Variants in LRP12 observed in about 807,000 individuals in gnomAD.
The protein encoded by LRP12 is LDL receptor related protein 12.
Under a neutral mutation model 66.0 loss-of-function variants are expected in LRP12, and 14 were observed. That is an observed-to-expected ratio of 0.21 (90% CI 0.14 to 0.33). LRP12 has a LOEUF of 0.33. Among genes scored for constraint, LRP12 ranks in the 10% least tolerant of loss-of-function variants. The probability of loss-of-function intolerance (pLI) is 1.00; values close to 1 mark genes in which losing one functional copy is unlikely to be tolerated. For synonymous variants in LRP12, 357 were observed against 359.1 expected, an observed-to-expected ratio of 0.99 and a Z score of 0.07; for missense variants, 889 against 1,053.4, an observed-to-expected ratio of 0.84 and a Z score of 2.16.
At chr8:104,494,349 G>A (rs1810686813) in intron 6 of LRP12, among the ~76,000 whole-genome samples, 1 of 152,248 alleles carries the variant, frequency 6.6e-6, no homozygotes, top group African/African-American at 2.4e-5. Flanking sequence ...GTGATAGACT[G>A]TAATCAGAAC....
chr8:104,548,259 A>G (rs1274798489), intron 1 of LRP12, among the ~76,000 whole-genome samples: 1 of 100,008 alleles, frequency 1.0e-5, no homozygotes, highest in African/African-American at 4.4e-5. Context: ...ATATTATATT[A>G]ATATATGATA....
chr8:104,583,791 T>A (rs562146951), intron 1 of LRP12, among the ~76,000 whole-genome samples: 19 of 152,166 alleles, frequency 1.2e-4, no homozygotes, highest in Non-Finnish European at 2.2e-4. Context: ...AGAGTACATA[T>A]CTGACAGGAT....
intron 1 of LRP12, among the ~76,000 whole-genome samples, chr8:104,554,080 A>G (rs749515156): frequency 6.6e-6 from 1 of 152,186 alleles, no homozygotes; most frequent in South Asian, 2.1e-4. Context: ...GGGAGAGAAC[A>G]CCACATCAAG....
chr8:104,556,635 CA>C (rs929968215), intron 1 of LRP12, among the ~76,000 whole-genome samples: 1 of 151,616 alleles, frequency 6.6e-6, no homozygotes, highest in Non-Finnish European at 1.5e-5. Context: ...AAATTGTTCA[CA>C]AAAAAAAGTC....
chr8:104,522,363 G>C (rs1275050067), intron 2 of LRP12, among the ~76,000 whole-genome samples: 5 of 152,056 alleles, frequency 3.3e-5, no homozygotes, highest in Non-Finnish European at 7.4e-5. Flanking sequence ...AAGAAAGGGT[G>C]ATGATTTTGA....
chr8:104,565,585 C>T (rs1176700607), intron 1 of LRP12, among the ~76,000 whole-genome samples: 1 of 152,024 alleles, frequency 6.6e-6, no homozygotes, highest in Non-Finnish European at 1.5e-5. Flanking sequence ...CCAGGCCGGG[C>T]GCGGTGGCTC....
At chr8:104,501,280 T>C (rs1323307908) in intron 3 of LRP12, among the ~76,000 whole-genome samples, 1 of 152,198 alleles carries the variant, frequency 6.6e-6, no homozygotes, top group Non-Finnish European at 1.5e-5. Flanking sequence ...TGTGGTTTTA[T>C]GTACACTTCC....
At chr8:104,512,498 T>A (rs1280954018) in intron 2 of LRP12, among the ~76,000 whole-genome samples, 1 of 152,206 alleles carries the variant, frequency 6.6e-6, no homozygotes, top group Non-Finnish European at 1.5e-5. Context: ...AATTTTGAGT[T>A]AAATTACATT....
chr8:104,586,744 C>A (rs1158906177), intron 1 of LRP12, among the ~76,000 whole-genome samples: 1 of 152,154 alleles, frequency 6.6e-6, no homozygotes, highest in Non-Finnish European at 1.5e-5. Flanking sequence ...AAAAAACATG[C>A]AGCCATAAAG....
intron 1 of LRP12, among the ~76,000 whole-genome samples, chr8:104,553,132 GGCTGCCAGTGAAACT>G (rs1564143592): frequency 6.6e-6 from 1 of 152,182 alleles, no homozygotes; most frequent in East Asian, 1.9e-4. Context: ...CCTTGGGGAG[GGCTGCCAGTGAAACT>G]GGCAAAAAAC....
rs1810583557 is a variant in LRP12, at chr8:104,489,527, G to A, written c.*1146C>T. ...TTGCAATTCACACTACTTAAAAAGG[G>A]GGGATGATCTGAATGATTTCTTAAT... is the stretch of plus-strand genomic sequence containing the variant. On this transcript the variant is annotated 3_prime_UTR_variant, in exon 7 of 7. Coordinates refer to ENST00000276654, the MANE Select transcript of LRP12 (RefSeq NM_013437.5). 1 of 152,314 alleles carries A rather than the reference G, an allele frequency of 6.6e-6. No homozygotes were observed. Among genetic ancestry groups the A allele is most frequent in the Admixed American group, 6.6e-5 (1 of 15,252 alleles). 9.4% of individuals were successfully genotyped at this position (152,314 alleles called of 1,614,324 possible).
At chr8:104,541,391 G>T (rs1811473850) in intron 1 of LRP12, among the ~76,000 whole-genome samples, 2 of 152,126 alleles carry the variant, frequency 1.3e-5, no homozygotes, top group African/African-American at 4.8e-5. Context: ...TAAGTTCAAA[G>T]GTTCCTACCT....
chr8:104,584,648 A>C (rs959667686), intron 1 of LRP12, among the ~76,000 whole-genome samples: 3 of 122,044 alleles, frequency 2.5e-5, no homozygotes, highest in Middle Eastern at 3.8e-3. Flanking sequence ...TGCTTGTTTA[A>C]TACTTTCTGC....
At chr8:104,543,068 C>A (rs992556546) in intron 1 of LRP12, among the ~76,000 whole-genome samples, 1 of 151,582 alleles carries the variant, frequency 6.6e-6, no homozygotes, top group African/African-American at 2.4e-5. Context: ...CACAAAGACA[C>A]TGAGTGCTGT....
chr8:104,540,546 A>C (rs1202508313), intron 1 of LRP12, among the ~76,000 whole-genome samples: 3 of 152,196 alleles, frequency 2.0e-5, no homozygotes, highest in Non-Finnish European at 4.4e-5. Flanking sequence ...CCTGAGAAAT[A>C]AGATATTTTC....
chr8:104,583,967 G>A (rs1812293089), intron 1 of LRP12, among the ~76,000 whole-genome samples: 1 of 151,854 alleles, frequency 6.6e-6, no homozygotes, highest in African/African-American at 2.4e-5. Context: ...AATTCCCTAA[G>A]CTAATACAGT....
rs1810951154 is a variant in LRP12 at position 104,509,043 on chromosome 8, T to G, written c.168A>C (p.Ala56=). The change falls in exon 3 of 7, where the codon GCA becomes GCC. Residue 56 remains alanine (A), a synonymous_variant. Coordinates refer to ENST00000276654, the MANE Select transcript of LRP12 (RefSeq NM_013437.5). ...ACGETPEQIR[A]PSGIITSPGW... Reference sequence around the variant, plus strand: ...CTGGGCTTGTGATTATGCCACTTGGTGCTCGTATTTGCTCTGGAGTCTCTC... The same window carrying G: ...CTGGGCTTGTGATTATGCCACTTGGGGCTCGTATTTGCTCTGGAGTCTCTC... 1 of 1,613,768 alleles carries G rather than the reference T, an allele frequency of 6.2e-7. No homozygotes were observed. The highest frequency in any genetic ancestry group is 1.3e-5 in the African/African-American group (1 of 74,936).
intron 2 of LRP12, among the ~76,000 whole-genome samples, chr8:104,529,914 T>C (rs186980944): frequency 1.2e-3 from 182 of 152,316 alleles, no homozygotes; most frequent in Non-Finnish European, 2.1e-3. Flanking sequence ...TTTCCAATTA[T>C]ACGTCACTGT....
chr8:104,506,019 A>C (rs1223834919), intron 3 of LRP12: 1 of 152,182 alleles, frequency 6.6e-6, no homozygotes, highest in Non-Finnish European at 1.5e-5. Flanking sequence ...AATTAGAGAT[A>C]TTTTTATGTT....
Sources: gnomAD v4.1 joint callset for allele counts (sites outside exome capture counted in the v4.1 genomes callset) on GRCh38, gnomAD v4.1.1 for gene constraint, MANE v1.5 for transcripts, NCBI Gene and HGNC (gene_info 2026-07-23, HGNC 2026-07-21) for gene names.